Variants in GALNT13 observed in about 807,000 individuals in gnomAD.
GALNT13 encodes UDP-GalNAc:polypeptide N-acetylgalactosaminyltransferase 13.
Under a neutral mutation model 64.2 loss-of-function variants are expected in GALNT13, and 28 were observed. The ratio of observed to expected loss-of-function variants is 0.44; its 90% CI spans 0.32 to 0.60. GALNT13 has a LOEUF of 0.60. Among genes scored for constraint, GALNT13 ranks in the 20% least tolerant of loss-of-function variants. The pLI is 0.05. For missense variants in GALNT13, 577 were observed against 669.8 expected, an observed-to-expected ratio of 0.86 and a Z score of 1.53; for synonymous variants, 214 against 224.6, an observed-to-expected ratio of 0.95 and a Z score of 0.42.
At chr2:153,178,327 A>G in the GALNT13 span, among the ~76,000 whole-genome samples, 13 of 152,196 alleles carry the variant, frequency 8.5e-5, no homozygotes, top group Admixed American at 4.6e-4. Flanking sequence ...TCCCACCAAC[A>G]GTGTACAATG....
At chr2:154,088,328 C>T (rs1701635287) in intron 3 of GALNT13, among the ~76,000 whole-genome samples, 1 of 152,118 alleles carries the variant, frequency 6.6e-6, no homozygotes, top group Admixed American at 6.6e-5. Flanking sequence ...GTTCATTAAT[C>T]CTACTTAAAC....
chr2:154,038,154 G>A (rs1308192579), intron 3 of GALNT13, among the ~76,000 whole-genome samples: 5 of 151,958 alleles, frequency 3.3e-5, no homozygotes, highest in Admixed American at 6.6e-5. Flanking sequence ...GACAACCCAC[G>A]CTCATGGATT....
the GALNT13 span, among the ~76,000 whole-genome samples, chr2:153,552,207 G>C: frequency 6.6e-6 from 1 of 152,270 alleles, no homozygotes; most frequent in African/African-American, 2.4e-5. Context: ...TAAATAGATC[G>C]AGGAAAGACT....
chr2:153,467,738 GATA>G, the GALNT13 span, among the ~76,000 whole-genome samples: 1 of 152,016 alleles, frequency 6.6e-6, no homozygotes, highest in African/African-American at 2.4e-5. Context: ...AATGGATGAT[GATA>G]AGTATCAACA....
rs561481152 is a variant in GALNT13 at position 154,177,966 on chromosome 2, T to C, written c.311+37461T>C. ...TATACTTCTGGCTTCTGAACCTTTA[T>C]GACTCAAGTAATGCAAAAGCAAGTT... On this transcript the variant is annotated intron_variant, in intron 4 of 12. Transcript: ENST00000392825. 8.3e-4 allele frequency among the ~76,000 whole-genome samples: 127 copies of C among 152,330 alleles called. 1 individual carries two copies. The highest frequency in any genetic ancestry group is 3.0e-3 in the African/African-American group (124 of 41,576).
At chr2:153,923,199 C>T (rs1344366827) in intron 2 of GALNT13, among the ~76,000 whole-genome samples, 1 of 152,054 alleles carries the variant, frequency 6.6e-6, no homozygotes, top group East Asian at 1.9e-4. Context: ...TGTGCCTGGC[C>T]TGAAATAGCA....
chr2:153,390,532 T>G, the GALNT13 span, among the ~76,000 whole-genome samples: 1 of 152,102 alleles, frequency 6.6e-6, no homozygotes, highest in African/African-American at 2.4e-5. Flanking sequence ...CATCTTTACA[T>G]CACAATAAAA....
chr2:153,358,417 C>A, the GALNT13 span, among the ~76,000 whole-genome samples: 33 of 152,250 alleles, frequency 2.2e-4, 1 homozygote, highest in East Asian at 6.2e-3. Context: ...AGGGAAGAAA[C>A]CTGATAGTGA....
chr2:154,349,559 C>T (rs1003793031), intron 9 of GALNT13, among the ~76,000 whole-genome samples: 1 of 152,142 alleles, frequency 6.6e-6, no homozygotes, highest in Non-Finnish European at 1.5e-5. Context: ...ATTAAAGCTG[C>T]CACAAGTCAT....
intron 9 of GALNT13, among the ~76,000 whole-genome samples, chr2:154,338,086 CT>C (rs766820713): frequency 1.3e-5 from 2 of 152,002 alleles, no homozygotes; most frequent in African/African-American, 2.4e-5. Context: ...CCTTGTCCCC[CT>C]GGCCTCTAGA....
At chr2:153,670,728 AG>A in the GALNT13 span, among the ~76,000 whole-genome samples, 1 of 152,228 alleles carries the variant, frequency 6.6e-6, no homozygotes, top group African/African-American at 2.4e-5. Flanking sequence ...AGTAGGCTTC[AG>A]AAGGTCTGTA....
chr2:153,686,492 T>A, the GALNT13 span, among the ~76,000 whole-genome samples: 1 of 152,186 alleles, frequency 6.6e-6, no homozygotes, highest in Middle Eastern at 3.4e-3. Flanking sequence ...ATTGATTTTG[T>A]ATCCTGAGAC....
intron 10 of GALNT13, among the ~76,000 whole-genome samples, chr2:154,400,385 A>G (rs1300102559): frequency 1.3e-5 from 2 of 152,116 alleles, no homozygotes; most frequent in Non-Finnish European, 2.9e-5. Flanking sequence ...TTAACAATTT[A>G]TATATTTTTA....
At chr2:153,874,167 G>A (rs2105217745) in intron 1 of GALNT13, among the ~76,000 whole-genome samples, 1 of 128,680 alleles carries the variant, frequency 7.8e-6, no homozygotes, top group African/African-American at 3.0e-5. Flanking sequence ...TTGAAACCCT[G>A]TTCGTTTGAT....
the GALNT13 span, among the ~76,000 whole-genome samples, chr2:153,121,966 T>C: frequency 1.3e-5 from 2 of 152,208 alleles, no homozygotes; most frequent in Middle Eastern, 3.2e-3. Context: ...GTAATTATGG[T>C]ATGCATACAG....
chr2:153,158,581 T>C, the GALNT13 span, among the ~76,000 whole-genome samples: 9 of 152,166 alleles, frequency 5.9e-5, no homozygotes, highest in Non-Finnish European at 1.3e-4. Context: ...ATTTATTGTC[T>C]AATTTACACT....
chr2:153,125,094 A>G, the GALNT13 span, among the ~76,000 whole-genome samples: 1 of 152,202 alleles, frequency 6.6e-6, no homozygotes, highest in Non-Finnish European at 1.5e-5. Flanking sequence ...AGTATATACC[A>G]TGTAATATTT....
chr2:153,144,325 T>G, the GALNT13 span, among the ~76,000 whole-genome samples: 1 of 151,946 alleles, frequency 6.6e-6, no homozygotes, highest in Admixed American at 6.6e-5. Flanking sequence ...GGAAATTCCC[T>G]TCACCTCAGG....
the GALNT13 span, among the ~76,000 whole-genome samples, chr2:153,655,388 AT>A: frequency 6.6e-6 from 1 of 152,130 alleles, no homozygotes; most frequent in Admixed American, 6.6e-5. Flanking sequence ...ATGGTCTTAA[AT>A]TTTAGTATCC....
Sources: gnomAD v4.1 joint callset for allele counts (sites outside exome capture counted in the v4.1 genomes callset) on GRCh38, gnomAD v4.1.1 for gene constraint, MANE v1.5 for transcripts, NCBI Gene and HGNC (gene_info 2026-07-23, HGNC 2026-07-21) for gene names.